Variants in CENPF observed in about 807,000 individuals in gnomAD.
CENPF encodes centromere protein F.
CENPF carries 214 observed loss-of-function variants against 307.3 expected under a neutral mutation model. The observed-to-expected ratio is 0.70, with a 90% CI of 0.62 to 0.78. The LOEUF (loss-of-function observed/expected upper bound fraction) is 0.78, where lower values mean the gene tolerates loss of function less well. Ranked by LOEUF, CENPF falls within the 30% of genes least tolerant of loss-of-function variation. The probability of loss-of-function intolerance (pLI) is 0.00; values close to 1 mark genes in which losing one functional copy is unlikely to be tolerated. For missense variants in CENPF, 3,401 were observed against 3,483.9 expected, an observed-to-expected ratio of 0.98 and a Z score of 0.60; for synonymous variants, 1,259 against 1,270.6, an observed-to-expected ratio of 0.99 and a Z score of 0.19.
At position 214,642,195 on chromosome 1, in the gene CENPF, A is replaced by G. The variant is rs1298468132; in HGVS notation, c.3857A>G (p.Asn1286Ser). 6.2e-7 allele frequency: 1 copy of G among 1,614,076 alleles called. No individual in the cohort carries two copies. Among genetic ancestry groups the G allele is most frequent in the Non-Finnish European group, 8.5e-7 (1 of 1,180,038 alleles). ...PHELSTSQND[N>S]AHLQCSLQTT... ...GAGTTGTCAACAAGTCAAAACGACA[A>G]TGCACACCTTCAGTGCTCTCTGCAA... is the stretch of plus-strand genomic sequence containing the variant. Residue 1286 changes from asparagine to serine, a missense_variant, in exon 12 of 20, where the codon AAT (asparagine) becomes AGT (serine). Transcript: ENST00000366955.
intron 16 of CENPF, 78 bp downstream of exon 16, chr1:214,653,067 C>T (rs776630239): frequency 7.6e-6 from 10 of 1,310,238 alleles, no homozygotes; most frequent in South Asian, 7.2e-5. Context: ...TAGCATTAAA[C>T]GTTTTCATTT....
Position 214,658,983 on chromosome 1 carries a change from T to G in CENPF, c.9096T>G (p.Leu3032=). 6.2e-7 allele frequency: 1 copy of G among 1,614,124 alleles called. No homozygotes were observed. Among genetic ancestry groups the G allele is most frequent in the Non-Finnish European group, 8.5e-7 (1 of 1,180,006 alleles). The change falls in exon 19 of 20, where the codon CTT becomes CTG. Residue 3032 remains leucine (L), a synonymous_variant. Coordinates refer to ENST00000366955, the MANE Select transcript of CENPF (RefSeq NM_016343.4). ...LSPLSLGKEN[L]AESSKPTAGG... is the part of the protein sequence containing the mutation. ...CACTGAGTCTCGGCAAAGAAAATCT[T>G]GCAGAGTCCTCCAAACCAACAGCTG...
chr1:214,663,738 C>T lies in CENPF; in HGVS notation c.9289C>T (p.Pro3097Ser). 1 of 1,614,068 alleles carries T rather than the reference C, an allele frequency of 6.2e-7. No individual in the cohort carries two copies. Among genetic ancestry groups the T allele is most frequent in the South Asian group, 1.1e-5 (1 of 91,054 alleles). The change falls in exon 20 of 20, where the codon CCC becomes TCC. Residue 3097 changes from proline to serine, a missense_variant. By Grantham distance (74) the Pro-to-Ser change is moderately conservative (BLOSUM62 -1). Coordinates refer to ENST00000366955, the MANE Select transcript of CENPF (RefSeq NM_016343.4). Reference sequence around the variant, plus strand: ...GAGGGTCAAGCGAGGCCGACTTGTCCCCAGCCCCAAAGCTGGACTGGAGTC... The same window carrying T: ...GAGGGTCAAGCGAGGCCGACTTGTCTCCAGCCCCAAAGCTGGACTGGAGTC... ...GLRVKRGRLVPSPKAGLESNG... is the reference protein window; with the variant it reads ...GLRVKRGRLVSSPKAGLESNG...
intron 1 of CENPF, chr1:214,606,185 C>A (rs767984246): frequency 3.0e-5 from 35 of 1,151,694 alleles, no homozygotes; most frequent in African/African-American, 4.7e-5. Flanking sequence ...CCAGTCTCCC[C>A]ACTCAGCCAA....
rs748669126 is a variant in CENPF at position 214,622,113 on chromosome 1, C to T, written c.900C>T (p.Arg300=). ...ACAAGATTAATGAGTTGGAACTACG[C>T]CTGCAAGGACATGAAAAAGAAATGA... The part of the protein sequence containing the change: ...LRNKINELEL[R]LQGHEKEMKG... Residue 300 remains arginine, a synonymous_variant, in exon 7 of 20, where the codon CGC becomes CGT. Coordinates refer to ENST00000366955, the MANE Select transcript of CENPF (RefSeq NM_016343.4). The T allele has an allele frequency of 2.2e-5, 36 of 1,613,928 alleles. No homozygotes were observed. The highest frequency in any genetic ancestry group is 2.7e-5 in the Non-Finnish European group (32 of 1,179,940).
At position 214,610,867 on chromosome 1, in the gene CENPF, G is replaced by A. The variant is rs143327745; in HGVS notation, c.-41-2847G>A. ...TCTTGAATTAATTTTTGTATATGGT[G>A]TAAGGAGGGGGTCCAGTTTCATTCT... On this transcript the variant is annotated intron_variant, in intron 1 of 19. Coordinates refer to ENST00000366955, the MANE Select transcript of CENPF (RefSeq NM_016343.4). Among the ~76,000 whole-genome samples the A allele has an allele frequency of 4.3e-4, 66 of 152,298 alleles. 1 individual carries two copies. Among genetic ancestry groups the A allele is most frequent in the South Asian group, 1.0e-3 (5 of 4,822 alleles).
chr1:214,650,124 G>A lies in CENPF; in HGVS notation c.7983+1297G>A, dbSNP rs61820743. ...GGAAACAACCTAATTTAGATAGGGT[G>A]GTCAGCAGATTTAGATAGGGTGGTC... On this transcript the variant is annotated intron_variant, in intron 14 of 19. Coordinates refer to ENST00000366955, the MANE Select transcript of CENPF (RefSeq NM_016343.4). 7.0e-3 allele frequency among the ~76,000 whole-genome samples: 1,067 copies of A among 152,268 alleles called. 6 individuals carry two copies. Among genetic ancestry groups the A allele is most frequent in the South Asian group, 0.027 (129 of 4,816 alleles).
At chr1:214,629,757 G>A (rs981100867) in intron 8 of CENPF, among the ~76,000 whole-genome samples, 7 of 152,124 alleles carry the variant, frequency 4.6e-5, no homozygotes, top group Non-Finnish European at 1.0e-4. Context: ...TTGCCATGTT[G>A]GCTAGGCTGG....
chr1:214,656,722 A>G lies in CENPF; in HGVS notation c.8486-211A>G, dbSNP rs759214689. On this transcript the variant is annotated intron_variant, in intron 17 of 19. Transcript: ENST00000366955. ...GGATTTTATTTAAGCTGTCCCAATG[A>G]GTGTCACAGGACTAGAATATCTGCC... Among the ~76,000 whole-genome samples, 65 of 152,310 alleles carry G rather than the reference A, an allele frequency of 4.3e-4. 2 individuals carry two copies. The highest frequency in any genetic ancestry group is 1.5e-3 in the African/African-American group (64 of 41,572).
chr1:214,648,630 A>G, intron 13 of CENPF, 45 bp from the exon 14 acceptor site: 1 of 1,606,026 alleles, frequency 6.2e-7, no homozygotes, highest in East Asian at 2.2e-5. Context: ...ATCTGATCAA[A>G]ACAGACCACC....
chr1:214,648,880 C>A, intron 14 of CENPF, 53 bp downstream of exon 14: 1 of 1,558,912 alleles, frequency 6.4e-7, no homozygotes, highest in Non-Finnish European at 8.8e-7. Context: ...ATTGTGCACA[C>A]TCTCCTTATT....
At chr1:214,637,549 T>C (rs1294439816) in intron 10 of CENPF, among the ~76,000 whole-genome samples, 2 of 150,866 alleles carry the variant, frequency 1.3e-5, no homozygotes, top group African/African-American at 4.9e-5. Context: ...AACTTGGAGG[T>C]TTTGTCTTGA....
intron 10 of CENPF, 128 bp from the exon 11 acceptor site, chr1:214,637,738 C>T (rs980312576): frequency 7.5e-5 from 66 of 876,038 alleles, no homozygotes; most frequent in African/African-American, 6.3e-4. Flanking sequence ...GGTACTCAAA[C>T]GGGGAAATTG....
Position 214,643,212 on chromosome 1 carries a change from C to T in CENPF, c.4874C>T (p.Ala1625Val), listed in dbSNP as rs369404379. 24 of 1,601,086 alleles carry T rather than the reference C, an allele frequency of 1.5e-5. No individual in the cohort carries two copies. The highest frequency in any genetic ancestry group is 9.0e-5 in the South Asian group (8 of 89,036). ...SVTLEMESKL[A>V]AEKKQTEQLS... ...ACTCTGGAGATGGAGTCCAAGTTGG[C>T]GGCAGAAAAGAAACAGACGGAACAA... The change falls in exon 12 of 20, where the codon GCG becomes GTG. Residue 1625 changes from alanine (A) to valine (V), a missense_variant. Transcript: ENST00000366955.
chr1:214,658,921 A>C lies in CENPF; in HGVS notation c.9034A>C (p.Ser3012Arg). The C allele has an allele frequency of 6.2e-7, 1 of 1,614,132 alleles. No individual in the cohort carries two copies. The highest frequency in any genetic ancestry group is 8.5e-7 in the Non-Finnish European group (1 of 1,179,988). ...AAGAACAACCATGGCAACTCGGACCAGCCCCCGCCTGGCTGCACAGAAGTT... is the reference window on the plus strand; with the variant it reads ...AAGAACAACCATGGCAACTCGGACCCGCCCCCGCCTGGCTGCACAGAAGTT... ...LRRTTMATRT[S>R]PRLAAQKLAL... is the part of the protein sequence containing the mutation. The change falls in exon 19 of 20, where the codon AGC becomes CGC. Residue 3012 changes from serine to arginine, a missense_variant. Transcript: ENST00000366955.
intron 10 of CENPF, 93 bp from the exon 11 acceptor site, chr1:214,637,773 C>CAA (rs1455421700): frequency 2.3e-6 from 3 of 1,277,758 alleles, no homozygotes; most frequent in Middle Eastern, 3.9e-4. Flanking sequence ...GTGAGATACA[C>CAA]AAACAGTTCT....
chr1:214,644,294 T>C (rs1239732288), intron 12 of CENPF, among the ~76,000 whole-genome samples: 2 of 152,210 alleles, frequency 1.3e-5, no homozygotes, highest in African/African-American at 4.8e-5. Flanking sequence ...TTAAATACAT[T>C]ACAAATTGTA....
intron 1 of CENPF, 101 bp from the exon 2 acceptor site, chr1:214,613,613 T>A (rs1254714086): frequency 2.4e-6 from 2 of 822,428 alleles, no homozygotes; most frequent in African/African-American, 3.5e-5. Context: ...AAATGTGGTC[T>A]TGAAACTTGA....
chr1:214,634,826 C>T (rs972083379), intron 10 of CENPF, among the ~76,000 whole-genome samples: 1 of 152,184 alleles, frequency 6.6e-6, no homozygotes, highest in Admixed American at 6.5e-5. Flanking sequence ...TATGTAAGCA[C>T]TAACAAATTT....
Sources: gnomAD v4.1 joint callset for allele counts (sites outside exome capture counted in the v4.1 genomes callset) on GRCh38, gnomAD v4.1.1 for gene constraint, MANE v1.5 for transcripts, NCBI Gene and HGNC (gene_info 2026-07-23, HGNC 2026-07-21) for gene names.